Variants in PLEKHG3 observed in about 807,000 individuals in gnomAD.
PLEKHG3 encodes pleckstrin homology and RhoGEF domain containing G3, also known as pleckstrin homology domain-containing family G member 3.
In PLEKHG3, 62 loss-of-function variants were observed where a neutral mutation model predicts 94.9. The ratio of observed to expected loss-of-function variants is 0.65; its 90% confidence interval spans 0.53 to 0.81. PLEKHG3 has a LOEUF of 0.81. Ranked by LOEUF, PLEKHG3 falls within the 30% of genes least tolerant of loss-of-function variation. PLEKHG3 has a pLI of 0.00. For synonymous variants in PLEKHG3, 614 were observed against 654.0 expected (o/e 0.94, Z 0.93); for missense variants, 1,461 against 1,619.3 (o/e 0.90, Z 1.68).
intron 15 of PLEKHG3, among the ~76,000 whole-genome samples, chr14:64,740,613 G>GC (rs909430667): frequency 6.6e-6 from 1 of 152,338 alleles, no homozygotes; most frequent in South Asian, 2.1e-4. Context: ...CAAGTGAGGA[G>GC]CCTCTAGGGC....
In PLEKHG3 at chr14:64,749,112, G is replaced by C. The variant is rs1476568072; in HGVS notation, c.*5409G>C. ...TCCCTGGAGCGGAGCCAGCGCGGGCGAGGGCATGGAGGGGGCGTCGGCCCA... is the reference window on the plus strand; with the variant it reads ...TCCCTGGAGCGGAGCCAGCGCGGGCCAGGGCATGGAGGGGGCGTCGGCCCA... On this transcript the variant is annotated 3_prime_UTR_variant, in exon 17 of 17. Coordinates refer to ENST00000247226, the MANE Select transcript of PLEKHG3 (RefSeq NM_001308147.2). This position sits in a 1 kb window ranked among gnomAD's most constrained non-coding sequence, Gnocchi z 4.7. 1 of 571,914 alleles carries C rather than the reference G, an allele frequency of 1.7e-6. No individual in the cohort carries two copies. Among genetic ancestry groups the C allele is most frequent in the Non-Finnish European group, 2.9e-6 (1 of 342,858 alleles). 35.4% of individuals were successfully genotyped at this position (571,914 alleles called of 1,614,324 possible).
chr14:64,737,408 C>A, intron 14 of PLEKHG3, 33 bp downstream of exon 14: 1 of 1,536,668 alleles, frequency 6.5e-7, no homozygotes, highest in Non-Finnish European at 8.8e-7. Context: ...GACTGGCTGA[C>A]AGAGGAGGGT....
Position 64,731,512 on chromosome 14 carries a change from G to A in PLEKHG3, c.1001G>A (p.Gly334Asp), listed in dbSNP as rs370244924. 2.5e-6 allele frequency: 4 copies of A among 1,613,992 alleles called. No individual in the cohort carries two copies. Among genetic ancestry groups the A allele is most frequent in the Middle Eastern group, 1.6e-4 (1 of 6,084 alleles). Residue 334 changes from glycine to aspartate, a missense_variant, in exon 8 of 17, where the codon GGC becomes GAC. Gly to Asp is a moderately conservative substitution (Grantham distance 94, BLOSUM62 -1). Around this residue, in one of 3 missense-constraint regions of PLEKHG3, gnomAD observed 1,201 missense variants for 1,295.5 expected, o/e 0.93. Transcript: ENST00000247226. The surrounding 1 kb of genome is among the most constrained non-coding windows in gnomAD (Gnocchi z 6.1). ...DKTLLITKKR[G>D]DHFVYKGNIP... ...ACACTGCTTATCACCAAGAAGCGGG[G>A]CGATCACTTTGTCTACAAGGGCAAC...
Position 64,741,211 on chromosome 14 carries a change from C to T in PLEKHG3, c.1694C>T (p.Ala565Val), listed in dbSNP as rs2081682633. 1 of 1,613,898 alleles carries T rather than the reference C, an allele frequency of 6.2e-7. No homozygotes were observed. Among genetic ancestry groups the T allele is most frequent in the Non-Finnish European group, 8.5e-7 (1 of 1,179,960 alleles). ...CCAGGTGACATGGTGGACTTCGTGG[C>T]AGCTGAGAGCACTGAGGACCTTAAG... ...DPPGDMVDFVAAESTEDLKAL... is the reference protein window; with the variant it reads ...DPPGDMVDFVVAESTEDLKAL... The change falls in exon 16 of 17, where the codon GCA (alanine) becomes GTA (valine). Residue 565 changes from alanine (A) to valine (V), a missense_variant. Ala to Val is a moderately conservative substitution (Grantham distance 64). Around this residue, in one of 3 missense-constraint regions of PLEKHG3, gnomAD observed 1,201 missense variants for 1,295.5 expected, o/e 0.93. Transcript: ENST00000247226.
chr14:64,737,946 C>CAGGAGG, intron 14 of PLEKHG3: 1 of 1,233,930 alleles, frequency 8.1e-7, no homozygotes, highest in Middle Eastern at 2.6e-4. Context: ...AGGGGCTACC[C>CAGGAGG]AGGAGGAGGA....
At chr14:64,709,708 T>G (rs2139357996) in intron 1 of PLEKHG3, among the ~76,000 whole-genome samples, 1 of 151,092 alleles carries the variant, frequency 6.6e-6, no homozygotes, top group South Asian at 2.1e-4. Context: ...ACTCACATCC[T>G]TTACTTCCTA....
Position 64,743,768 on chromosome 14 carries a change from C to T in PLEKHG3, c.*65C>T, listed in dbSNP as rs2081772058. On this transcript the variant is annotated 3_prime_UTR_variant, in exon 17 of 17. Coordinates refer to ENST00000247226, the MANE Select transcript of PLEKHG3 (RefSeq NM_001308147.2). This position sits in a 1 kb window ranked among gnomAD's most constrained non-coding sequence, Gnocchi z 7.2. ...GGGGAAGAACCTGGGCATCCTTCCC[C>T]TCAAGCCTGGGCTCATGGAGCCCCT... 8 of 1,480,752 alleles carry T rather than the reference C, an allele frequency of 5.4e-6. No homozygotes were observed. The highest frequency in any genetic ancestry group is 2.3e-5 in the East Asian group (1 of 42,880). The allele number at this position is 1,480,752 out of a possible 1,614,324, so 91.7% of individuals were successfully genotyped here.
Position 64,749,825 on chromosome 14 carries a change from G to A in PLEKHG3, c.*6122G>A. On this transcript the variant is annotated 3_prime_UTR_variant, in exon 17 of 17. Transcript: ENST00000247226. This position sits in a 1 kb window ranked among gnomAD's most constrained non-coding sequence, Gnocchi z 4.7. Reference sequence around the variant, plus strand: ...CCTCTCAGGCAGCCCAGCACTTTCTGAGAGGTCAAAGTCTGGACCATCAGC... The same window carrying A: ...CCTCTCAGGCAGCCCAGCACTTTCTAAGAGGTCAAAGTCTGGACCATCAGC... 1 of 1,488,642 alleles carries A rather than the reference G, an allele frequency of 6.7e-7. No individual in the cohort carries two copies. The highest frequency in any genetic ancestry group is 9.3e-7 in the Non-Finnish European group (1 of 1,080,294). 92.2% of individuals were successfully genotyped at this position (1,488,642 alleles called of 1,614,324 possible).
At chr14:64,712,110 C>T (rs1035205717) in intron 1 of PLEKHG3, among the ~76,000 whole-genome samples, 3 of 152,190 alleles carry the variant, frequency 2.0e-5, no homozygotes, top group Non-Finnish European at 4.4e-5. Context: ...ATTGTCTTGG[C>T]ACCCTTGTTG....
intron 12 of PLEKHG3, among the ~76,000 whole-genome samples, chr14:64,735,168 C>T (rs1477102605): frequency 1.3e-5 from 2 of 152,182 alleles, no homozygotes; most frequent in Non-Finnish European, 2.9e-5. Flanking sequence ...GCTTGAGGGG[C>T]CCCAGAGGCT....
At chr14:64,733,600 A>T (rs1020757975) in intron 12 of PLEKHG3, among the ~76,000 whole-genome samples, 7 of 152,146 alleles carry the variant, frequency 4.6e-5, no homozygotes, top group African/African-American at 1.7e-4. Context: ...GACATGGCGG[A>T]TGGGCCCAGC....
rs748004847 is a variant in PLEKHG3, at chr14:64,731,200, G to A, written c.849+31G>A. 1.6e-5 allele frequency: 24 copies of A among 1,500,374 alleles called. No individual in the cohort carries two copies. Among genetic ancestry groups the A allele is most frequent in the Non-Finnish European group, 2.2e-5 (24 of 1,081,924 alleles). 92.9% of individuals were successfully genotyped at this position (1,500,374 alleles called of 1,614,324 possible). On this transcript the variant is annotated intron_variant, in intron 7 of 16. Coordinates refer to ENST00000247226, the MANE Select transcript of PLEKHG3 (RefSeq NM_001308147.2). This position sits in a 1 kb window ranked among gnomAD's most constrained non-coding sequence, Gnocchi z 6.1. The stretch of plus-strand genomic sequence containing the variant: ...CTGGGGCTGGGACGCTGGGGGAGGG[G>A]CAGGGCTGGGTGGGCCAGGCTTCCG...
chr14:64,709,353 A>G (rs1261737367), intron 1 of PLEKHG3, among the ~76,000 whole-genome samples: 2 of 152,162 alleles, frequency 1.3e-5, no homozygotes, highest in Non-Finnish European at 2.9e-5. Context: ...CTGGGAATGC[A>G]AGCACTAGGG....
Position 64,732,496 on chromosome 14 carries a change from T to C in PLEKHG3, c.1246+36T>C, listed in dbSNP as rs1251616506. 15 of 1,580,088 alleles carry C rather than the reference T, an allele frequency of 9.5e-6. No individual in the cohort carries two copies. The highest frequency in any genetic ancestry group is 1.3e-5 in the Non-Finnish European group (15 of 1,149,090). On this transcript the variant is annotated intron_variant, in intron 11 of 16. Transcript: ENST00000247226. The surrounding 1 kb of genome is among the most constrained non-coding windows in gnomAD (Gnocchi z 4.9). ...CCTTTTCTGCCTGTTTTGTCCCTAA[T>C]CGTGCACATTGCTAGGTCAGGCTGC... is the stretch of plus-strand genomic sequence containing the variant.
In PLEKHG3 at chr14:64,743,721, G is replaced by A. The variant is rs1456677636; in HGVS notation, c.*18G>A. The A allele has an allele frequency of 1.1e-5, 17 of 1,519,016 alleles. No individual in the cohort carries two copies. Among genetic ancestry groups the A allele is most frequent in the Non-Finnish European group, 1.1e-5 (13 of 1,137,722 alleles). The allele number at this position is 1,519,016 out of a possible 1,614,324, so 94.1% of individuals were successfully genotyped here. On this transcript the variant is annotated 3_prime_UTR_variant, in exon 17 of 17. Coordinates refer to ENST00000247226, the MANE Select transcript of PLEKHG3 (RefSeq NM_001308147.2). This position sits in a 1 kb window ranked among gnomAD's most constrained non-coding sequence, Gnocchi z 7.2. ...TCGGTTGATGCTGACTCCTGGGGGA[G>A]GGAGGAGTCATGTTGGAGGTTGGGG...
rs578047148 is a variant in PLEKHG3 at position 64,749,776 on chromosome 14, T to C, written c.*6073T>C. On this transcript the variant is annotated 3_prime_UTR_variant, in exon 17 of 17. Transcript: ENST00000247226. The surrounding 1 kb of genome is among the most constrained non-coding windows in gnomAD (Gnocchi z 4.7). ...CAGAGGGCTGGCTCTGATCCCACAATACCCTGAGCCGAACATCCAGACCCC... is the reference window on the plus strand; with the variant it reads ...CAGAGGGCTGGCTCTGATCCCACAACACCCTGAGCCGAACATCCAGACCCC... 2.1e-4 allele frequency: 335 copies of C among 1,559,372 alleles called. No homozygotes were observed. Among genetic ancestry groups the C allele is most frequent in the Non-Finnish European group, 2.8e-4 (323 of 1,141,986 alleles).
In PLEKHG3 at chr14:64,723,602, G is replaced by A. The variant is rs1458533695; in HGVS notation, c.-39-3991G>A. 6.6e-6 allele frequency among the ~76,000 whole-genome samples: 1 copy of A among 152,106 alleles called. No homozygotes were observed. Among genetic ancestry groups the A allele is most frequent in the Non-Finnish European group, 1.5e-5 (1 of 68,022 alleles). ...TGAAACATCTGCCTTCCAGGTTCAAGCGATTCTTCTGCCTCAGCCCCCCGA... is the reference window on the plus strand; with the variant it reads ...TGAAACATCTGCCTTCCAGGTTCAAACGATTCTTCTGCCTCAGCCCCCCGA... On this transcript the variant is annotated intron_variant, in intron 1 of 16. Transcript: ENST00000247226. The surrounding 1 kb of genome is among the most constrained non-coding windows in gnomAD (Gnocchi z 4.5).
chr14:64,732,529 G>A lies in PLEKHG3; in HGVS notation c.1246+69G>A. 1 of 1,420,758 alleles carries A rather than the reference G, an allele frequency of 7.0e-7. No homozygotes were observed. The highest frequency in any genetic ancestry group is 2.3e-5 in the East Asian group (1 of 44,046). 88.0% of individuals were successfully genotyped at this position (1,420,758 alleles called of 1,614,324 possible). Reference sequence around the variant, plus strand: ...ATTGCTAGGTCAGGCTGCATCCTGGGGAAGCTTTACCTGATAATTTTATTC... The same window carrying A: ...ATTGCTAGGTCAGGCTGCATCCTGGAGAAGCTTTACCTGATAATTTTATTC... On this transcript the variant is annotated intron_variant, in intron 11 of 16. Coordinates refer to ENST00000247226, the MANE Select transcript of PLEKHG3 (RefSeq NM_001308147.2). The surrounding 1 kb of genome is among the most constrained non-coding windows in gnomAD (Gnocchi z 4.9).
Sources: gnomAD v4.1 joint callset for allele counts (sites outside exome capture counted in the v4.1 genomes callset) on GRCh38, gnomAD v4.1.1 for gene constraint, gnomAD v4.1.1 regional missense constraint, Gnocchi (gnomAD v3.1) non-coding constraint, MANE v1.5 for transcripts, NCBI Gene and HGNC (gene_info 2026-07-23, HGNC 2026-07-21) for gene names.